Variants in DOHH observed in about 807,000 individuals in gnomAD.
The protein encoded by DOHH is HEAT-like (PBS lyase) repeat containing 1.
DOHH carries 16 observed loss-of-function variants against 19.9 expected under a neutral mutation model. That is an observed-to-expected ratio of 0.80 (90% CI 0.54 to 1.22). The LOEUF (loss-of-function observed/expected upper bound fraction) is 1.22. Among genes scored for constraint, DOHH ranks in the 50% most tolerant of loss-of-function variants. The probability of loss-of-function intolerance (pLI) is 0.00; values close to 1 mark genes in which losing one functional copy is unlikely to be tolerated. For synonymous variants in DOHH, 233 were observed against 217.0 expected, an observed-to-expected ratio of 1.07 and a Z score of -0.65; for missense variants, 460 against 460.6, an observed-to-expected ratio of 1.00 and a Z score of 0.01.
At chr19:3,497,619 C>T (rs1356249140) in intron 1 of DOHH, among the ~76,000 whole-genome samples, 1 of 152,078 alleles carries the variant, frequency 6.6e-6, no homozygotes, top group Non-Finnish European at 1.5e-5. Context: ...TGAAGGTAAC[C>T]AAGTATGTTT....
intron 1 of DOHH, among the ~76,000 whole-genome samples, chr19:3,500,252 C>T (rs907445781): frequency 2.0e-5 from 3 of 152,168 alleles, no homozygotes; most frequent in Non-Finnish European, 4.4e-5. Context: ...CACAGGTGAC[C>T]ATCAAAGGAG....
chr19:3,495,431 G>A (rs1027196761), intron 2 of DOHH, among the ~76,000 whole-genome samples: 2 of 152,186 alleles, frequency 1.3e-5, no homozygotes, highest in East Asian at 1.9e-4. Flanking sequence ...CGTGAGCCAC[G>A]ATGCCCGGCT....
intron 3 of DOHH, among the ~76,000 whole-genome samples, chr19:3,493,445 T>A (rs2082885769): frequency 6.6e-6 from 1 of 152,030 alleles, no homozygotes; most frequent in Admixed American, 6.6e-5. Context: ...CCGTCTCTAC[T>A]AAAAATACGA....
At position 3,492,256 on chromosome 19, in the gene DOHH, C is replaced by CA. The variant is rs140350778; in HGVS notation, c.589+5_589+6insT. The CA allele has an allele frequency of 1.4e-4, 207 of 1,458,034 alleles. No individual in the cohort carries two copies. The African/African-American group carries it at 2.9e-3, about 20-fold the overall frequency. The allele number at this position is 1,458,034 out of a possible 1,614,324, so 90.3% of individuals were successfully genotyped here. On this transcript the variant is annotated splice_donor_region_variant and intron_variant, in intron 4 of 4. Transcript: ENST00000427575. The stretch of plus-strand genomic sequence containing the variant: ...CCAGGACCCCACCCCAGAAGCCCCT[C>CA]CTCACCCTCGGCCAGCGCCAGGGCG...
chr19:3,491,476 G>GGAGGTGAGGGTGGGGCCCTA lies in DOHH; in HGVS notation c.*15_*16insTAGGGCCCCACCCTCACCTC. 1 of 1,527,438 alleles carries GGAGGTGAGGGTGGGGCCCTA rather than the reference G, an allele frequency of 6.5e-7. No individual in the cohort carries two copies. The highest frequency in any genetic ancestry group is 8.7e-7 in the Non-Finnish European group (1 of 1,144,406). 94.6% of individuals were successfully genotyped at this position (1,527,438 alleles called of 1,614,324 possible). On this transcript the variant is annotated 3_prime_UTR_variant, in exon 5 of 5. Coordinates refer to ENST00000427575, the MANE Select transcript of DOHH (RefSeq NM_001145165.2). This position sits in a 1 kb window ranked among gnomAD's most constrained non-coding sequence, Gnocchi z 5.6. The stretch of plus-strand genomic sequence containing the variant: ...CCCTCAAGAGTCCTCCGGGAGCTCC[G>GGAGGTGAGGGTGGGGCCCTA]GGTGAGGGTGGGGCCCTAGGAGGGG...
At chr19:3,493,244 G>A (rs1746803018) in intron 3 of DOHH, among the ~76,000 whole-genome samples, 1 of 152,230 alleles carries the variant, frequency 6.6e-6, no homozygotes, top group African/African-American at 2.4e-5. Flanking sequence ...TTGAGCCCAG[G>A]AGTTCAACAC....
chr19:3,493,021 GC>G (rs2082882165), intron 3 of DOHH, among the ~76,000 whole-genome samples: 1 of 148,648 alleles, frequency 6.7e-6, no homozygotes, highest in African/African-American at 2.6e-5. Flanking sequence ...ACAAGAAGTG[GC>G]AGGGGAGAAA....
intron 2 of DOHH, among the ~76,000 whole-genome samples, chr19:3,495,269 A>T (rs1187396167): frequency 6.6e-6 from 1 of 151,888 alleles, no homozygotes; most frequent in Admixed American, 6.6e-5. Flanking sequence ...GAGCCAATGC[A>T]CCCGACCTGA....
chr19:3,499,949 GCA>G (rs1205418799), intron 1 of DOHH, among the ~76,000 whole-genome samples: 2 of 152,156 alleles, frequency 1.3e-5, no homozygotes, highest in Non-Finnish European at 2.9e-5. Context: ...GGAAACTGAG[GCA>G]CAGTTTGGGA....
In DOHH at chr19:3,494,112, G is replaced by A. The variant is rs1194599111; in HGVS notation, c.275-8C>T. ...TGGCCCCCAGGGCCTCCCCTGGGAAGAAGCAGCCGGAGAGCTCATGTTGGT... is the reference window on the plus strand; with the variant it reads ...TGGCCCCCAGGGCCTCCCCTGGGAAAAAGCAGCCGGAGAGCTCATGTTGGT... On this transcript the variant is annotated splice_region_variant and splice_polypyrimidine_tract_variant and intron_variant, in intron 2 of 4. Coordinates refer to ENST00000427575, the MANE Select transcript of DOHH (RefSeq NM_001145165.2). 6.2e-7 allele frequency: 1 copy of A among 1,612,400 alleles called. No individual in the cohort carries two copies. Among genetic ancestry groups the A allele is most frequent in the African/African-American group, 1.3e-5 (1 of 74,896 alleles).
In DOHH at chr19:3,491,778, T is replaced by C; in HGVS notation, c.623A>G (p.Glu208Gly). The change falls in exon 5 of 5, where the codon GAG (glutamate) becomes GGG (glycine). Residue 208 changes from glutamate to glycine, a missense_variant. Physicochemically the swap from Glu to Gly is moderately conservative, Grantham distance 98. Transcript: ENST00000427575. This position sits in a 1 kb window ranked among gnomAD's most constrained non-coding sequence, Gnocchi z 5.6. ...LHCGSALFRHEVGYVLGQLQH... is the reference protein window; with the variant it reads ...LHCGSALFRHGVGYVLGQLQH... Reference sequence around the variant, plus strand: ...CAGCTGTCCCAGGACGTAGCCGACCTCGTGGCGGAAGAGGGCGCTCCCACA... The same window carrying C: ...CAGCTGTCCCAGGACGTAGCCGACCCCGTGGCGGAAGAGGGCGCTCCCACA... 6.6e-7 allele frequency: 1 copy of C among 1,505,156 alleles called. No individual in the cohort carries two copies. Among genetic ancestry groups the C allele is most frequent in the Non-Finnish European group, 8.8e-7 (1 of 1,130,068 alleles). The allele number at this position is 1,505,156 out of a possible 1,614,324, so 93.2% of individuals were successfully genotyped here.
chr19:3,494,973 A>G (rs1332659337), intron 2 of DOHH, among the ~76,000 whole-genome samples: 1 of 138,712 alleles, frequency 7.2e-6, no homozygotes, highest in Non-Finnish European at 1.5e-5. Context: ...TCGCTACAAC[A>G]GTCCATTTTT....
intron 3 of DOHH, 62 bp from the exon 4 acceptor site, chr19:3,492,561 C>T: frequency 7.9e-7 from 1 of 1,261,756 alleles, no homozygotes; most frequent in Non-Finnish European, 1.0e-6. Context: ...CCCTTCCCCA[C>T]CCCCCGGGAT....
Position 3,492,343 on chromosome 19 carries a change from G to A in DOHH, c.508C>T (p.Arg170Trp), listed in dbSNP as rs769250530. The A allele has an allele frequency of 6.5e-6, 10 of 1,544,798 alleles. No individual in the cohort carries two copies. The East Asian group carries it at 7.4e-5, about 11-fold the overall frequency. ...RLREALLDES[R>W]PLFERYRAMF... ...GCGCGGTATCGCTCGAAGAGCGGCC[G>A]GGACTCATCCAGCAGCGCCTCCCGC... is the stretch of plus-strand genomic sequence containing the variant. The change falls in exon 4 of 5, where the codon CGG (arginine) becomes TGG (tryptophan). Residue 170 changes from arginine (R) to tryptophan (W), a missense_variant. Physicochemically the swap from Arg to Trp is moderately radical, Grantham distance 101. Transcript: ENST00000427575.
chr19:3,493,406 G>C (rs754081616), intron 3 of DOHH, among the ~76,000 whole-genome samples: 6 of 152,182 alleles, frequency 3.9e-5, no homozygotes, highest in Non-Finnish European at 8.8e-5. Flanking sequence ...TCAGGAGATC[G>C]AGACCATCCT....
Position 3,491,768 on chromosome 19 carries a change from G to A in DOHH, c.633C>T (p.Tyr211=), listed in dbSNP as rs766536804. ...CCTCGTGCTGCAGCTGTCCCAGGAC[G>A]TAGCCGACCTCGTGGCGGAAGAGGG... is the stretch of plus-strand genomic sequence containing the variant. ...GSALFRHEVG[Y]VLGQLQHEAA... The change falls in exon 5 of 5, where the codon TAC becomes TAT. Residue 211 remains tyrosine (Y), a synonymous_variant. Coordinates refer to ENST00000427575, the MANE Select transcript of DOHH (RefSeq NM_001145165.2). This position sits in a 1 kb window ranked among gnomAD's most constrained non-coding sequence, Gnocchi z 5.6. 2.8e-5 allele frequency: 42 copies of A among 1,509,912 alleles called. No individual in the cohort carries two copies. Among genetic ancestry groups the A allele is most frequent in the East Asian group, 1.0e-4 (4 of 38,966 alleles). 93.5% of individuals were successfully genotyped at this position (1,509,912 alleles called of 1,614,324 possible).
intron 2 of DOHH, among the ~76,000 whole-genome samples, chr19:3,495,531 A>G (rs1247853159): frequency 6.6e-6 from 1 of 152,242 alleles, no homozygotes; most frequent in Admixed American, 6.5e-5. Flanking sequence ...CAATGAGTGG[A>G]GTAAATCTAA....
At position 3,496,720 on chromosome 19, in the gene DOHH, C is replaced by A; in HGVS notation, c.95G>T (p.Arg32Leu). 2 of 1,613,244 alleles carry A rather than the reference C, an allele frequency of 1.2e-6. No homozygotes were observed. The highest frequency in any genetic ancestry group is 1.7e-6 in the Non-Finnish European group (2 of 1,179,920). ...AATGGCGCCTGGGCCGCCGAGCCCA[C>A]GCAGCGTGAACAGCGCCCGGAAGCG... ...QARFRALFTLRGLGGPGAIAW... is the reference protein window; with the variant it reads ...QARFRALFTLLGLGGPGAIAW... Residue 32 changes from arginine (R) to leucine (L), a missense_variant, in exon 2 of 5, where the codon CGT (arginine) becomes CTT (leucine). Coordinates refer to ENST00000427575, the MANE Select transcript of DOHH (RefSeq NM_001145165.2). This position sits in a 1 kb window ranked among gnomAD's most constrained non-coding sequence, Gnocchi z 4.8.
intron 1 of DOHH, 138 bp downstream of exon 1, chr19:3,500,423 G>A (rs2082941653): frequency 1.3e-5 from 2 of 152,236 alleles, no homozygotes; most frequent in African/African-American, 4.8e-5. Flanking sequence ...AGAGATCGCC[G>A]GGACTCGAGA....
Sources: gnomAD v4.1 joint callset for allele counts (sites outside exome capture counted in the v4.1 genomes callset) on GRCh38, gnomAD v4.1.1 for gene constraint, Gnocchi (gnomAD v3.1) non-coding constraint, MANE v1.5 for transcripts, NCBI Gene and HGNC (gene_info 2026-07-23, HGNC 2026-07-21) for gene names.